The following ANXA4 variants were observed in gnomAD, a reference collection of about 807,000 sequenced individuals.
ANXA4 encodes the protein annexin A4.
ANXA4 carries 39 observed loss-of-function variants against 49.8 expected under a neutral mutation model. The observed-to-expected ratio is 0.78, with a 90% CI of 0.61 to 1.02. The LOEUF is 1.02. ANXA4 is among the 50% of genes least tolerant of loss of function. The pLI is 0.00. For synonymous variants in ANXA4, 134 were observed against 152.5 expected (o/e 0.88, Z 0.89); for missense variants, 360 against 410.1 (o/e 0.88, Z 1.05).
intron 1 of ANXA4, among the ~76,000 whole-genome samples, chr2:69,649,394 T>A (rs1676136619): frequency 1.3e-5 from 2 of 151,870 alleles, no homozygotes; most frequent in African/African-American, 4.8e-5. Context: ...GTACCTTTTT[T>A]ACTATATTAG....
intron 1 of ANXA4, among the ~76,000 whole-genome samples, chr2:69,769,099 G>A (rs1039873860): frequency 3.3e-5 from 5 of 152,204 alleles, no homozygotes; most frequent in African/African-American, 1.2e-4. Context: ...GAAGCAAGTT[G>A]ATGATGGTGC....
At chr2:69,718,197 A>G (rs944053914) in intron 2 of ANXA4, among the ~76,000 whole-genome samples, 3 of 152,192 alleles carry the variant, frequency 2.0e-5, no homozygotes, top group African/African-American at 7.2e-5. Flanking sequence ...CTTGCTTCCC[A>G]TCTACATAAC....
chr2:69,656,387 ATG>A lies in ANXA4; in HGVS notation n.766+3109_766+3110del, dbSNP rs1443540072. On this transcript the variant is annotated intron_variant and non_coding_transcript_variant, in intron 2 of 3. Coordinates refer to the ANXA4 transcript ENST00000418066. ...TATATGTGTATATATGTGTATATAT[ATG>A]TGTATATATATGTATATATATGTAT... Among the ~76,000 whole-genome samples, 132 of 86,982 alleles carry A rather than the reference ATG, an allele frequency of 1.5e-3. 6 individuals carry two copies. Among genetic ancestry groups the A allele is most frequent in the Middle Eastern group, 6.3e-3 (1 of 158 alleles). The allele number at this position is 86,982 out of a possible 152,430, so 57.1% of individuals were successfully genotyped here. A position where few individuals can be genotyped will look rare whatever the true frequency, so the allele number is the denominator to read the frequency against.
intron 3 of ANXA4, among the ~76,000 whole-genome samples, chr2:69,801,212 C>T (rs896229136): frequency 2.6e-5 from 4 of 152,250 alleles, no homozygotes; most frequent in Non-Finnish European, 5.9e-5. Context: ...ACATGCCTGG[C>T]CCCCAGGTAG....
intron 2 of ANXA4, 55 bp from the exon 3 acceptor site, chr2:69,787,998 GC>G: frequency 2.1e-6 from 3 of 1,442,416 alleles, no homozygotes; most frequent in Non-Finnish European, 2.9e-6. Flanking sequence ...CGAATGAGAT[GC>G]CTCCGTGTTG....
chr2:69,739,763 C>T (rs1670338187), upstream of ANXA4, among the ~76,000 whole-genome samples: 3 of 152,070 alleles, frequency 2.0e-5, no homozygotes, highest in Admixed American at 2.0e-4. Context: ...GGAATTTCAA[C>T]AATTATATTA....
At position 69,784,294 on chromosome 2, in the gene ANXA4, C is replaced by T. The variant is rs180864027; in HGVS notation, c.9+2720C>T. ...GTCATTAAGAATGCTAACTGATAAA[C>T]GGAACCACCCTTGCCAATTCCTCTA... On this transcript the variant is annotated intron_variant, in intron 2 of 12. Coordinates refer to ENST00000394295, the MANE Select transcript of ANXA4 (RefSeq NM_001153.5). Among the ~76,000 whole-genome samples the T allele has an allele frequency of 2.0e-4, 31 of 152,288 alleles. No individual in the cohort carries two copies. In the East Asian group the frequency reaches 4.2e-3, roughly 21 times the overall value.
intron 2 of ANXA4, among the ~76,000 whole-genome samples, chr2:69,678,347 T>C (rs115510579): frequency 5.4e-4 from 82 of 151,644 alleles, no homozygotes; most frequent in African/African-American, 2.0e-3. Context: ...ATTGCTTTTT[T>C]TTTTCAGAAG....
chr2:69,725,821 T>A lies in ANXA4; in HGVS notation n.864+4950T>A, dbSNP rs183121692. ...TTTATTTTTAAGGAAAACAATGGCA[T>A]TTTAAGAGCCACCTCATTTTACCTG... On this transcript the variant is annotated intron_variant and non_coding_transcript_variant, in intron 3 of 3. Transcript: ENST00000418066. Among the ~76,000 whole-genome samples the A allele has an allele frequency of 1.2e-3, 188 of 152,360 alleles. 1 individual carries two copies. The highest frequency in any genetic ancestry group is 4.3e-3 in the African/African-American group (179 of 41,582).
chr2:69,818,549 G>T, intron 9 of ANXA4, 50 bp from the exon 10 acceptor site: 1 of 1,264,282 alleles, frequency 7.9e-7, no homozygotes, highest in Non-Finnish European at 1.1e-6. Flanking sequence ...ATAAATTTTA[G>T]TTTCCTCTGT....
intron 2 of ANXA4, among the ~76,000 whole-genome samples, chr2:69,658,706 T>C (rs1490460859): frequency 6.6e-6 from 1 of 152,158 alleles, no homozygotes; most frequent in African/African-American, 2.4e-5. Context: ...TTTGTTTACT[T>C]TTTTTTGAGA....
rs529726486 is a variant in ANXA4 at position 69,776,742 on chromosome 2, G to A, written c.-46-4778G>A. On this transcript the variant is annotated intron_variant, in intron 1 of 12. Transcript: ENST00000394295. ...TACACTAACACTAACAATAGCTCAT[G>A]AGAAAAAAAAATTGCAAAAAATCTC... 3.9e-5 allele frequency among the ~76,000 whole-genome samples: 6 copies of A among 152,130 alleles called. No homozygotes were observed. In the South Asian group the frequency reaches 1.0e-3, roughly 26 times the overall value.
At chr2:69,785,363 C>A (rs1320255080) in intron 2 of ANXA4, among the ~76,000 whole-genome samples, 2 of 152,150 alleles carry the variant, frequency 1.3e-5, no homozygotes, top group Non-Finnish European at 2.9e-5. Flanking sequence ...ATATTACATT[C>A]TTGGATCCAA....
At chr2:69,693,569 G>T (rs1249332186) in intron 2 of ANXA4, among the ~76,000 whole-genome samples, 1 of 152,128 alleles carries the variant, frequency 6.6e-6, no homozygotes, top group African/African-American at 2.4e-5. Context: ...GGCCTCTGGG[G>T]ATTCCAGAGG....
At chr2:69,799,670 T>C (rs1673103539) in intron 3 of ANXA4, among the ~76,000 whole-genome samples, 1 of 152,188 alleles carries the variant, frequency 6.6e-6, no homozygotes, top group Admixed American at 6.5e-5. Flanking sequence ...AACACCTTCA[T>C]GCTGGGTAGG....
intron 2 of ANXA4, among the ~76,000 whole-genome samples, chr2:69,673,640 G>A (rs960590751): frequency 6.7e-6 from 1 of 149,862 alleles, no homozygotes; most frequent in Admixed American, 6.7e-5. Context: ...ATGTACCCCA[G>A]AACTTAAAGT....
chr2:69,655,609 A>G (rs1409999238), intron 2 of ANXA4, among the ~76,000 whole-genome samples: 1 of 152,232 alleles, frequency 6.6e-6, no homozygotes, highest in Non-Finnish European at 1.5e-5. Flanking sequence ...CCATTGTGGA[A>G]GACAGTGTGG....
At chr2:69,766,636 G>A (rs1445813591) in intron 1 of ANXA4, among the ~76,000 whole-genome samples, 1 of 152,208 alleles carries the variant, frequency 6.6e-6, no homozygotes, top group African/African-American at 2.4e-5. Flanking sequence ...CAGGAAGTTG[G>A]CTGCACCATA....
intron 1 of ANXA4, among the ~76,000 whole-genome samples, chr2:69,770,112 C>T (rs1671650846): frequency 6.6e-6 from 1 of 152,176 alleles, no homozygotes; most frequent in Non-Finnish European, 1.5e-5. Context: ...TTTAAGATGG[C>T]CTAGTAGGCA....
Sources: gnomAD v4.1 joint callset for allele counts (sites outside exome capture counted in the v4.1 genomes callset) on GRCh38, gnomAD v4.1.1 for gene constraint, MANE v1.5 for transcripts, NCBI Gene and HGNC (gene_info 2026-07-23, HGNC 2026-07-21) for gene names.